Variants in SIL1 observed in about 807,000 individuals in gnomAD.
SIL1 encodes SIL1 nucleotide exchange factor, also known as nucleotide exchange factor SIL1.
Under a neutral mutation model 49.1 loss-of-function variants are expected in SIL1, and 40 were observed. The observed-to-expected ratio is 0.81, with a 90% confidence interval of 0.63 to 1.06. The LOEUF is 1.06. SIL1 is among the 50% of genes least tolerant of loss of function. The probability of loss-of-function intolerance (pLI) is 0.00; values close to 1 mark genes in which losing one functional copy is unlikely to be tolerated. For synonymous variants in SIL1, 253 were observed against 250.8 expected (o/e 1.01, Z -0.08); for missense variants, 500 against 572.6 (o/e 0.87, Z 1.29).
chr5:139,113,834 C>T (rs62381241), intron 3 of SIL1, among the ~76,000 whole-genome samples: 72 of 152,186 alleles, frequency 4.7e-4, no homozygotes, highest in Admixed American at 1.3e-3. Flanking sequence ...AGGGCTGGGA[C>T]TATTTTGGCA....
chr5:139,073,081 G>A (rs1248252560), intron 3 of SIL1, among the ~76,000 whole-genome samples: 1 of 152,196 alleles, frequency 6.6e-6, no homozygotes, highest in African/African-American at 2.4e-5. Flanking sequence ...GTACAGAAAA[G>A]AGAAGCTTTG....
At chr5:139,127,704 C>T (rs771854178) in intron 2 of SIL1, 35 bp downstream of exon 2, 1 of 1,559,238 alleles carries the variant, frequency 6.4e-7, no homozygotes, top group Non-Finnish European at 8.7e-7. Context: ...AAGACCTCAT[C>T]AAGGGTCCCT....
chr5:139,073,597 T>C (rs1319400155), intron 3 of SIL1, among the ~76,000 whole-genome samples: 1 of 152,028 alleles, frequency 6.6e-6, no homozygotes, highest in East Asian at 1.9e-4. Flanking sequence ...TTCAGTTAGA[T>C]AGGAGGAATA....
intron 7 of SIL1, among the ~76,000 whole-genome samples, chr5:138,980,594 C>T (rs1271887368): frequency 5.3e-5 from 8 of 152,170 alleles, no homozygotes; most frequent in Admixed American, 5.2e-4. Context: ...GGAAGGAGGG[C>T]ACAGTGAGTT....
At chr5:139,014,352 A>T (rs1454724598) in intron 7 of SIL1, 1 of 144,978 alleles carries the variant, frequency 6.9e-6, no homozygotes, top group African/African-American at 2.7e-5. Context: ...GGGCAACAAG[A>T]GTGAAACTTC....
intron 3 of SIL1, among the ~76,000 whole-genome samples, chr5:139,054,263 T>C (rs763301182): frequency 2.6e-5 from 4 of 152,070 alleles, no homozygotes; most frequent in Non-Finnish European, 4.4e-5. Context: ...ATAAAAAAAT[T>C]AGCCAGGCAC....
At position 139,017,124 on chromosome 5, in the gene SIL1, A is replaced by G. The variant is rs538815770; in HGVS notation, c.767+4047T>C. On this transcript the variant is annotated intron_variant, in intron 7 of 9. Transcript: ENST00000394817. ...CGTGGCCTCCCAAAGTGCTGGAATT[A>G]TGGGCGTAAGCCATTGCACCCAGGT... The G allele has an allele frequency of 7.2e-5, 11 of 152,434 alleles. No homozygotes were observed. The East Asian group carries it at 2.1e-3, about 29-fold the overall frequency. 9.4% of individuals were successfully genotyped at this position (152,434 alleles called of 1,614,324 possible).
At chr5:139,120,904 C>G in intron 3 of SIL1, 131 bp downstream of exon 3, 1 of 1,159,504 alleles carries the variant, frequency 8.6e-7, no homozygotes, top group Non-Finnish European at 1.2e-6. Flanking sequence ...AGCTACCACT[C>G]TGACGGACCA....
chr5:139,136,788 C>T lies in SIL1; in HGVS notation c.-10-8935G>A, dbSNP rs533013440. On this transcript the variant is annotated intron_variant, in intron 1 of 9. Transcript: ENST00000394817. ...TTCTAAATGTGATTTTTCAACATTT[C>T]ACTAAAGTCTTAATGAGAAAAGAGA... is the stretch of plus-strand genomic sequence containing the variant. Among the ~76,000 whole-genome samples, 138 of 152,240 alleles carry T rather than the reference C, an allele frequency of 9.1e-4. 1 individual carries two copies. Among genetic ancestry groups the T allele is most frequent in the Non-Finnish European group, 2.8e-4 (19 of 68,014 alleles).
At chr5:139,190,380 G>A (rs1581161532) in intron 1 of SIL1, among the ~76,000 whole-genome samples, 1 of 152,178 alleles carries the variant, frequency 6.6e-6, no homozygotes, top group Admixed American at 6.5e-5. Context: ...TGAGTAGGAG[G>A]AAAAACAGCA....
intron 1 of SIL1, among the ~76,000 whole-genome samples, chr5:139,180,554 G>A (rs1751965700): frequency 6.6e-6 from 1 of 151,838 alleles, no homozygotes; most frequent in South Asian, 2.1e-4. Flanking sequence ...AAGCTCTCTG[G>A]CAAAGAAAAG....
chr5:139,120,929 C>G (rs1750615232), intron 3 of SIL1, 106 bp downstream of exon 3: 2 of 1,419,902 alleles, frequency 1.4e-6, no homozygotes, highest in Admixed American at 1.8e-5. Context: ...GTTTCCCTCC[C>G]GCAGGCCAGA....
At chr5:139,112,527 C>T (rs1171661022) in intron 3 of SIL1, among the ~76,000 whole-genome samples, 6 of 150,764 alleles carry the variant, frequency 4.0e-5, no homozygotes, top group African/African-American at 9.8e-5. Flanking sequence ...AGCGCCTCTG[C>T]CCGGCCGCCC....
intron 7 of SIL1, among the ~76,000 whole-genome samples, chr5:138,997,748 G>A (rs754537096): frequency 6.6e-6 from 1 of 152,158 alleles, no homozygotes; most frequent in Non-Finnish European, 1.5e-5. Flanking sequence ...TAGCAGAGAT[G>A]GGGTTTCACC....
intron 1 of SIL1, among the ~76,000 whole-genome samples, chr5:139,173,949 ACT>A (rs1380002144): frequency 6.7e-6 from 1 of 149,778 alleles, no homozygotes; most frequent in Non-Finnish European, 1.5e-5. Flanking sequence ...ACAGAGTGAG[ACT>A]CTGTCTCAAA....
intron 2 of SIL1, among the ~76,000 whole-genome samples, chr5:139,121,670 C>A (rs567306883): frequency 6.6e-6 from 1 of 152,334 alleles, no homozygotes; most frequent in South Asian, 2.1e-4. Flanking sequence ...TAAGGCCCAA[C>A]TGATTCCCAA....
chr5:139,128,084 C>CTGCA, intron 1 of SIL1: 1 of 546,510 alleles, frequency 1.8e-6, no homozygotes, highest in Non-Finnish European at 3.5e-6. Context: ...ATCAGGACTC[C>CTGCA]TGCATAAGCT....
chr5:139,148,289 G>T (rs1022534622), intron 1 of SIL1, among the ~76,000 whole-genome samples: 1 of 152,142 alleles, frequency 6.6e-6, no homozygotes, highest in Non-Finnish European at 1.5e-5. Flanking sequence ...CCAAATCCCA[G>T]CCTGCCAAGA....
At chr5:139,173,891 G>A (rs1463239481) in intron 1 of SIL1, among the ~76,000 whole-genome samples, 4 of 150,702 alleles carry the variant, frequency 2.7e-5, no homozygotes, top group Non-Finnish European at 4.4e-5. Context: ...CCCAGGAGGC[G>A]GAGCTTGCAG....
Sources: allele counts gnomAD v4.1 joint callset (sites outside exome capture counted in the v4.1 genomes callset), GRCh38; gene constraint gnomAD v4.1.1; transcripts MANE v1.5; gene names NCBI Gene and HGNC (gene_info 2026-07-23, HGNC 2026-07-21).